The following BLTP1 variants were observed in gnomAD, a reference collection of about 807,000 sequenced individuals.
BLTP1 encodes the protein bridge-like lipid transfer protein family member 1, also known as fragile site-associated protein.
At chr4:122,156,557 T>A in the BLTP1 span, among the ~76,000 whole-genome samples, 1 of 152,318 alleles carries the variant, frequency 6.6e-6, no homozygotes, top group South Asian at 2.1e-4. Flanking sequence ...AGCAGTTTTA[T>A]AAGTGAAGCT....
chr4:122,299,203 T>C, the BLTP1 span: 1 of 940,436 alleles, frequency 1.1e-6, no homozygotes, highest in Admixed American at 6.2e-5. Context: ...CAGAAAGAGT[T>C]TGAATAAACA....
At chr4:122,217,060 A>T in the BLTP1 span, among the ~76,000 whole-genome samples, 1 of 151,984 alleles carries the variant, frequency 6.6e-6, no homozygotes, top group African/African-American at 2.4e-5. Flanking sequence ...ACATTTATTG[A>T]TTTGTGTATA....
At chr4:122,241,110 G>C in the BLTP1 span, among the ~76,000 whole-genome samples, 1 of 152,128 alleles carries the variant, frequency 6.6e-6, no homozygotes, top group Admixed American at 6.6e-5. Context: ...AATAACAAGG[G>C]GTGGGGACAC....
chr4:122,222,874 C>A, the BLTP1 span: 1 of 427,624 alleles, frequency 2.3e-6, no homozygotes, highest in Non-Finnish European at 3.1e-6. Context: ...CCATTCAACC[C>A]ACGCATGATG....
At chr4:122,325,315 G>A in the BLTP1 span, 1 of 1,605,076 alleles carries the variant, frequency 6.2e-7, no homozygotes, top group Non-Finnish European at 8.5e-7. Context: ...TAATATCCAG[G>A]ATACAGTAAG....
chr4:122,210,484 G>A, the BLTP1 span, among the ~76,000 whole-genome samples: 1 of 152,066 alleles, frequency 6.6e-6, no homozygotes, highest in African/African-American at 2.4e-5. Context: ...AGTTTTCATA[G>A]TTGTTTCATA....
the BLTP1 span, chr4:122,349,111 A>T: frequency 1.1e-5 from 16 of 1,471,728 alleles, no homozygotes; most frequent in Middle Eastern, 1.8e-4. This position sits in a 1 kb window ranked among gnomAD's most constrained non-coding sequence, Gnocchi z 4.5. Context: ...GTTTTAATTC[A>T]TGACACTGGA....
At chr4:122,185,190 G>T in the BLTP1 span, 1 of 983,006 alleles carries the variant, frequency 1.0e-6, no homozygotes, top group Non-Finnish European at 1.2e-6. Context: ...TCAACCAAGT[G>T]ATGATAAAAT....
the BLTP1 span, chr4:122,194,636 A>G: frequency 6.1e-6 from 6 of 976,748 alleles, no homozygotes; most frequent in Non-Finnish European, 6.1e-6. Context: ...AAAAATGAAA[A>G]TAATGCTTTA....
At chr4:122,286,795 C>T in the BLTP1 span, 1 of 1,601,936 alleles carries the variant, frequency 6.2e-7, no homozygotes, top group Non-Finnish European at 8.5e-7. Context: ...AGTAAGTTTA[C>T]TTTAAAATTT....
chr4:122,250,559 G>A, the BLTP1 span: 1 of 1,613,530 alleles, frequency 6.2e-7, no homozygotes, highest in Non-Finnish European at 8.5e-7. Flanking sequence ...TGGAAATTCT[G>A]TTTCAGATGA....
At chr4:122,181,037 CATT>C in the BLTP1 span, among the ~76,000 whole-genome samples, 24 of 152,174 alleles carry the variant, frequency 1.6e-4, no homozygotes, top group African/African-American at 4.6e-4. Context: ...TTCATTTAAA[CATT>C]ATGATATATC....
the BLTP1 span, chr4:122,152,567 G>A: frequency 3.0e-6 from 3 of 985,614 alleles, no homozygotes; most frequent in African/African-American, 5.2e-5. Context: ...ATTTCGGGCT[G>A]CCTCGGCACT....
chr4:122,236,874 A>G, the BLTP1 span: 1 of 982,948 alleles, frequency 1.0e-6, no homozygotes, highest in African/African-American at 1.8e-5. Flanking sequence ...AAGCTTGGAA[A>G]TAACCCCTAC....
the BLTP1 span, among the ~76,000 whole-genome samples, chr4:122,326,647 T>C: frequency 6.9e-3 from 1,048 of 151,798 alleles, 12 homozygotes; most frequent in African/African-American, 0.024. Context: ...GGGATTAATA[T>C]TTGAAGTGAT....
At chr4:122,169,154 T>C in the BLTP1 span, among the ~76,000 whole-genome samples, 1 of 152,104 alleles carries the variant, frequency 6.6e-6, no homozygotes, top group Non-Finnish European at 1.5e-5. Flanking sequence ...GGGGTCTCAC[T>C]GTGTTGCCCA....
chr4:122,314,015 A>G, the BLTP1 span: 1 of 948,148 alleles, frequency 1.1e-6, no homozygotes, highest in East Asian at 1.2e-4. Flanking sequence ...AATATGTGAT[A>G]TGTACAATAA....
chr4:122,361,023 T>A, the BLTP1 span, among the ~76,000 whole-genome samples: 1 of 152,176 alleles, frequency 6.6e-6, no homozygotes, highest in Non-Finnish European at 1.5e-5. Flanking sequence ...ACCTAACCCC[T>A]CTGTTCTCTC....
At chr4:122,161,942 A>G in the BLTP1 span, among the ~76,000 whole-genome samples, 13 of 152,246 alleles carry the variant, frequency 8.5e-5, no homozygotes, top group Admixed American at 8.5e-4. Context: ...GAGTACAGCA[A>G]GCACATCCTT....
Sources: gnomAD v4.1 joint callset for allele counts (sites outside exome capture counted in the v4.1 genomes callset) on GRCh38, gnomAD v4.1.1 for gene constraint, Gnocchi (gnomAD v3.1) non-coding constraint, MANE v1.5 for transcripts, NCBI Gene and HGNC (gene_info 2026-07-23, HGNC 2026-07-21) for gene names.